Variants in SERINC5 observed in about 807,000 individuals in gnomAD.
SERINC5 encodes the protein chromosome 5 open reading frame 12.
SERINC5 carries 41 observed loss-of-function variants against 63.1 expected under a neutral mutation model. The observed-to-expected ratio is 0.65, with a 90% confidence interval of 0.51 to 0.84. The LOEUF (loss-of-function observed/expected upper bound fraction) is 0.84, where lower values mean the gene tolerates loss of function less well. SERINC5 is among the 40% of genes least tolerant of loss of function. The pLI, the probability that SERINC5 is intolerant of heterozygous loss-of-function variation, is 0.00. For missense variants in SERINC5, 523 were observed against 573.0 expected (o/e 0.91, Z 0.89); for synonymous variants, 222 against 215.2 (o/e 1.03, Z -0.28).
In SERINC5 at chr5:80,202,969, T is replaced by C. The variant is rs1561422525; in HGVS notation, c.112A>G (p.Met38Val). Residue 38 changes from methionine to valine, a missense_variant, in exon 2 of 12, where the codon ATG becomes GTG. Met to Val is a conservative substitution (Grantham distance 21). Coordinates refer to ENST00000507668, the MANE Select transcript of SERINC5 (RefSeq NM_001174072.3). ...ACCAGAATGAAGTAGAGGGCGTACA[T>C]GAAGCGGGTGCTGAGGGACTGCCGA... ...RIRQSLSTRF[M>V]YALYFILVVV... 4 of 1,613,622 alleles carry C rather than the reference T, an allele frequency of 2.5e-6. No individual in the cohort carries two copies. The highest frequency in any genetic ancestry group is 3.4e-6 in the Non-Finnish European group (4 of 1,179,728).
intron 11 of SERINC5, among the ~76,000 whole-genome samples, chr5:80,118,805 C>T (rs1292303899): frequency 2.0e-5 from 3 of 148,490 alleles, no homozygotes; most frequent in African/African-American, 7.6e-5. Flanking sequence ...TCAAGCAATC[C>T]ACCCACCTCG....
chr5:80,255,841 T>G, intron 1 of SERINC5, 55 bp downstream of exon 1: 2 of 1,571,860 alleles, frequency 1.3e-6, no homozygotes, highest in South Asian at 1.1e-5. Flanking sequence ...ACGCCTGGAC[T>G]CCTGGCCCGG....
intron 1 of SERINC5, among the ~76,000 whole-genome samples, chr5:80,220,433 G>A (rs1750851926): frequency 6.6e-6 from 1 of 152,190 alleles, no homozygotes; most frequent in African/African-American, 2.4e-5. Flanking sequence ...CAGGCCAAAG[G>A]GGTAGGCTGT....
At chr5:80,124,107 T>A (rs1419929424) in intron 11 of SERINC5, among the ~76,000 whole-genome samples, 1 of 152,098 alleles carries the variant, frequency 6.6e-6, no homozygotes, top group Admixed American at 6.6e-5. Flanking sequence ...GAAGCCAACA[T>A]ATTATCTGCA....
intron 11 of SERINC5, among the ~76,000 whole-genome samples, chr5:80,145,168 G>A (rs1209873391): frequency 2.6e-5 from 4 of 151,602 alleles, no homozygotes; most frequent in Non-Finnish European, 4.4e-5. Context: ...GTGAAACTCC[G>A]TCTCTACTAA....
At chr5:80,232,608 G>C (rs1196342409) in intron 1 of SERINC5, among the ~76,000 whole-genome samples, 1 of 151,790 alleles carries the variant, frequency 6.6e-6, no homozygotes, top group African/African-American at 2.4e-5. Context: ...ACATAGTGAA[G>C]CCCCATCTCT....
downstream of SERINC5, among the ~76,000 whole-genome samples, chr5:80,136,578 T>A (rs945417102): frequency 6.6e-6 from 1 of 152,084 alleles, no homozygotes; most frequent in Non-Finnish European, 1.5e-5. Context: ...AACCCGAAAC[T>A]AAAGCTAGGC....
rs1745500779 is a variant in SERINC5 at position 80,141,465 on chromosome 5, T to C, written c.*2198A>G. ...GGACCTTGACTGCGCGTAAGGTCAG[T>C]TTCTCAAATCACACCAGCTGGCAGC... On this transcript the variant is annotated 3_prime_UTR_variant, in exon 12 of 12. Transcript: ENST00000507668. 3.2e-6 allele frequency: 3 copies of C among 952,102 alleles called. No homozygotes were observed. Among genetic ancestry groups the C allele is most frequent in the Non-Finnish European group, 3.6e-6 (3 of 828,812 alleles). The allele number at this position is 952,102 out of a possible 1,614,324, so 59.0% of individuals were successfully genotyped here. A position where few individuals can be genotyped will look rare whatever the true frequency, so the allele number is the denominator to read the frequency against.
chr5:80,138,287 CA>C (rs971452588), downstream of SERINC5, among the ~76,000 whole-genome samples: 1 of 151,924 alleles, frequency 6.6e-6, no homozygotes, highest in African/African-American at 2.4e-5. Context: ...AGGAACCTGG[CA>C]CTGTACCTTA....
chr5:80,119,955 A>C (rs76875776), intron 11 of SERINC5, among the ~76,000 whole-genome samples: 2,087 of 152,302 alleles, frequency 0.014, 30 homozygotes, highest in African/African-American at 0.047. Flanking sequence ...TGGAAAGAGT[A>C]AGAGTTTGGA....
chr5:80,193,800 G>T (rs768723002), intron 2 of SERINC5, among the ~76,000 whole-genome samples: 2 of 152,220 alleles, frequency 1.3e-5, no homozygotes, highest in African/African-American at 4.8e-5. Flanking sequence ...TGACAGCTGA[G>T]GCATAGGAGG....
intron 11 of SERINC5, among the ~76,000 whole-genome samples, chr5:80,132,469 T>C (rs1744986757): frequency 6.6e-6 from 1 of 152,194 alleles, no homozygotes; most frequent in African/African-American, 2.4e-5. Flanking sequence ...CCTCATGTTG[T>C]TCCTTAAAAT....
chr5:80,173,043 A>G (rs1482096901), intron 5 of SERINC5, among the ~76,000 whole-genome samples: 2 of 151,460 alleles, frequency 1.3e-5, no homozygotes, highest in African/African-American at 4.9e-5. Flanking sequence ...TGATATTGAC[A>G]CCCCCATTCC....
chr5:80,179,174 C>T (rs1482177015), intron 2 of SERINC5, among the ~76,000 whole-genome samples: 1 of 152,086 alleles, frequency 6.6e-6, no homozygotes, highest in Non-Finnish European at 1.5e-5. Context: ...TGGCTCGTGC[C>T]TGTAATCCCA....
At chr5:80,129,366 A>G (rs1239639351) in intron 11 of SERINC5, among the ~76,000 whole-genome samples, 2 of 152,224 alleles carry the variant, frequency 1.3e-5, no homozygotes, top group East Asian at 3.8e-4. Flanking sequence ...TGATGCAATC[A>G]TAGCTCACTG....
intron 4 of SERINC5, among the ~76,000 whole-genome samples, chr5:80,175,269 GTT>G (rs1387093839): frequency 6.6e-6 from 1 of 152,196 alleles, no homozygotes; most frequent in Non-Finnish European, 1.5e-5. Flanking sequence ...AAATGGTATA[GTT>G]GGGATCTGAA....
At position 80,169,325 on chromosome 5, in the gene SERINC5, A is replaced by G. The variant is rs1747497010; in HGVS notation, c.763+10T>C. On this transcript the variant is annotated intron_variant, in intron 6 of 11. Transcript: ENST00000507668. ...TATAAGTAACGAAGAATGGAAAAAA[A>G]CATGCTTACGATTTTGGACCCAGGG... 2 of 1,610,066 alleles carry G rather than the reference A, an allele frequency of 1.2e-6. No individual in the cohort carries two copies. Among genetic ancestry groups the G allele is most frequent in the Non-Finnish European group, 1.7e-6 (2 of 1,176,762 alleles).
At chr5:80,229,066 T>G (rs1751308491) in intron 1 of SERINC5, among the ~76,000 whole-genome samples, 1 of 106,016 alleles carries the variant, frequency 9.4e-6, no homozygotes, top group African/African-American at 4.0e-5. Context: ...TGGAGTTGCC[T>G]AGGCTGGAGT....
rs1748106435 is a variant in SERINC5 at position 80,177,404 on chromosome 5, GTGGGGGGAA to G, written c.375-16_375-8del. On this transcript the variant is annotated splice_polypyrimidine_tract_variant and splice_region_variant and intron_variant, in intron 3 of 11. Transcript: ENST00000507668. ...AAGTTTAAAGAACCAAAAGCTAGAA[GTGGGGGGAA>G]AAAAAAGAGGAAATGTATTTAAATG... 6.2e-7 allele frequency: 1 copy of G among 1,608,522 alleles called. No homozygotes were observed. The highest frequency in any genetic ancestry group is 1.3e-5 in the African/African-American group (1 of 74,564).
Sources: gnomAD v4.1 joint callset for allele counts (sites outside exome capture counted in the v4.1 genomes callset) on GRCh38, gnomAD v4.1.1 for gene constraint, MANE v1.5 for transcripts, NCBI Gene and HGNC (gene_info 2026-07-23, HGNC 2026-07-21) for gene names.